The following CCDC187 variants were observed in gnomAD, a reference collection of about 807,000 sequenced individuals.
CCDC187 encodes coiled-coil domain-containing protein 187.
CCDC187 carries 32 observed loss-of-function variants against 38.0 expected under a neutral mutation model. The observed-to-expected ratio is 0.84, with a 90% CI of 0.64 to 1.13. The LOEUF is 1.13. CCDC187 is among the 50% of genes most tolerant of loss of function. The pLI, the probability that CCDC187 is intolerant of heterozygous loss-of-function variation, is 0.00. For missense variants in CCDC187, 707 were observed against 786.8 expected (o/e 0.90, Z 1.21); for synonymous variants, 333 against 347.9 (o/e 0.96, Z 0.48).
Position 136,255,002 on chromosome 9 carries a change from G to C in CCDC187, c.4826C>G (p.Ala1609Gly). Residue 1609 changes from alanine (A) to glycine (G), a missense_variant, in exon 26 of 26, where the codon GCC becomes GGC. Physicochemically the swap from Ala to Gly is moderately conservative, Grantham distance 60 (BLOSUM62 0). Transcript: ENST00000638797. ...TGGGGAGGTGTGGGATGACACCGTG[G>C]CTTCTTCCGAAGGCCCCCAGCAGGT... Reference protein sequence around the residue: ...SGTCWGPSEEATVSSHTSPAG... With the variant: ...SGTCWGPSEEGTVSSHTSPAG... 3 of 985,490 alleles carry C rather than the reference G, an allele frequency of 3.0e-6. No homozygotes were observed. Among genetic ancestry groups the C allele is most frequent in the Non-Finnish European group, 3.6e-6 (3 of 829,980 alleles). The allele number at this position is 985,490 out of a possible 1,614,324, so 61.0% of individuals were successfully genotyped here.
At chr9:136,285,452 C>CTT in intron 9 of CCDC187, 61 bp downstream of exon 9, 1 of 35,654 alleles carries the variant, frequency 2.8e-5, no homozygotes, top group Non-Finnish European at 6.0e-5. Flanking sequence ...GGCAGGTGGG[C>CTT]AGGTGGGCAG....
intron 4 of CCDC187, among the ~76,000 whole-genome samples, chr9:136,293,596 C>G (rs1459030766): frequency 1.3e-5 from 2 of 151,516 alleles, no homozygotes; most frequent in African/African-American, 2.4e-5. Context: ...TCACGTGCTC[C>G]CAGGCTCACA....
rs1445727597 is a variant in CCDC187 at position 136,253,949 on chromosome 9, G to T, written c.5879C>A (p.Ala1960Glu). The T allele has an allele frequency of 2.0e-6, 2 of 985,444 alleles. No individual in the cohort carries two copies. The highest frequency in any genetic ancestry group is 4.7e-5 in the South Asian group (1 of 21,284). 61.0% of individuals were successfully genotyped at this position (985,444 alleles called of 1,614,324 possible). A position where few individuals can be genotyped will look rare whatever the true frequency, so the allele number is the denominator to read the frequency against. ...GGCCCCATTCCCACCAGGCCCAGGCGCCCGGCTCTCAGCTACTGGAGGTGC... is the reference window on the plus strand; with the variant it reads ...GGCCCCATTCCCACCAGGCCCAGGCTCCCGGCTCTCAGCTACTGGAGGTGC... ...RLAPPVAESR[A>E]PGPGGNGAPT... The change falls in exon 26 of 26, where the codon GCG becomes GAG. Residue 1960 changes from alanine to glutamate, a missense_variant. Coordinates refer to ENST00000638797, the MANE Select transcript of CCDC187 (RefSeq NM_001378188.1).
chr9:136,291,460 C>T lies in CCDC187; in HGVS notation c.1153G>A (p.Gly385Arg). ...LQDLRQQIQA[G>R]LELAQARKGG... The stretch of plus-strand genomic sequence containing the variant: ...TTGCGGGCCTGGGCCAGCTCCAGCC[C>T]AGCCTGGATTTGCTGGCGCAGGTCT... Residue 385 changes from glycine to arginine, a missense_variant, in exon 6 of 26, where the codon GGG becomes AGG. Gly to Arg is a moderately radical substitution (Grantham distance 125, BLOSUM62 -2). Transcript: ENST00000638797. 2.5e-6 allele frequency: 1 copy of T among 398,752 alleles called. No homozygotes were observed. 24.7% of individuals were successfully genotyped at this position (398,752 alleles called of 1,614,324 possible).
In CCDC187 at chr9:136,281,483, G is replaced by T. The variant is rs995107328; in HGVS notation, c.3040+68C>A. 1.2e-4 allele frequency: 46 copies of T among 398,670 alleles called. No individual in the cohort carries two copies. In the South Asian group the frequency reaches 5.5e-3, roughly 47 times the overall value. 24.7% of individuals were successfully genotyped at this position (398,670 alleles called of 1,614,324 possible). A position where few individuals can be genotyped will look rare whatever the true frequency, so the allele number is the denominator to read the frequency against. On this transcript the variant is annotated intron_variant, in intron 10 of 25. Coordinates refer to ENST00000638797, the MANE Select transcript of CCDC187 (RefSeq NM_001378188.1). ...AAGCTCGAGTGCTAGGCAGTGGAAG[G>T]TGTTCTCGGTGGATGCCCCGGCCAC...
intron 3 of CCDC187, among the ~76,000 whole-genome samples, 165 bp downstream of exon 3, chr9:136,300,055 G>C (rs1831638009): frequency 6.6e-6 from 1 of 152,258 alleles, no homozygotes; most frequent in African/African-American, 2.4e-5. Context: ...ACAGGCTCCA[G>C]AGAATGGCAG....
intron 10 of CCDC187, among the ~76,000 whole-genome samples, chr9:136,278,294 GC>G (rs1830972386): frequency 1.3e-5 from 2 of 152,206 alleles, no homozygotes; most frequent in African/African-American, 4.8e-5. Context: ...AGATCTCCCA[GC>G]TGTGGCCTGA....
chr9:136,288,558 T>G (rs1831235918), intron 7 of CCDC187, among the ~76,000 whole-genome samples: 1 of 152,096 alleles, frequency 6.6e-6, no homozygotes, highest in East Asian at 1.9e-4. Flanking sequence ...GTGCCTAGCG[T>G]GAGGCCAGGC....
In CCDC187 at chr9:136,253,526, G is replaced by T; in HGVS notation, c.*68C>A. The stretch of plus-strand genomic sequence containing the variant: ...GCCTCCGGCCTCATCCCCTGCTGCA[G>T]AACTGCATCTACCCAACTGGTCGTC... On this transcript the variant is annotated 3_prime_UTR_variant, in exon 26 of 26. Transcript: ENST00000638797. 1 of 884,782 alleles carries T rather than the reference G, an allele frequency of 1.1e-6. No homozygotes were observed. The highest frequency in any genetic ancestry group is 1.4e-6 in the Non-Finnish European group (1 of 738,012). The allele number at this position is 884,782 out of a possible 1,614,324, so 54.8% of individuals were successfully genotyped here. A position where few individuals can be genotyped will look rare whatever the true frequency, so the allele number is the denominator to read the frequency against.
rs1272358553 is a variant in CCDC187 at position 136,281,682 on chromosome 9, C to T, written c.2928-19G>A. The T allele has an allele frequency of 1.5e-5, 6 of 398,532 alleles. No homozygotes were observed. Among genetic ancestry groups the T allele is most frequent in the East Asian group, 3.6e-5 (1 of 28,076 alleles). 24.7% of individuals were successfully genotyped at this position (398,532 alleles called of 1,614,324 possible). ...ATATGAGCTGGAAGACACAGGCACA[C>T]GTGTGGCAGGGCCAGGCCCGTGGAG... On this transcript the variant is annotated intron_variant, in intron 9 of 25. Coordinates refer to ENST00000638797, the MANE Select transcript of CCDC187 (RefSeq NM_001378188.1).
At chr9:136,275,567 G>T (rs1037362644) in intron 12 of CCDC187, among the ~76,000 whole-genome samples, 4 of 151,990 alleles carry the variant, frequency 2.6e-5, no homozygotes, top group Non-Finnish European at 5.9e-5. Context: ...TCCCACCATC[G>T]ACCCCTGAAC....
rs1351596942 is a variant in CCDC187 at position 136,283,882 on chromosome 9, C to T, written c.2927+1631G>A. Among the ~76,000 whole-genome samples, 31 of 152,308 alleles carry T rather than the reference C, an allele frequency of 2.0e-4. No individual in the cohort carries two copies. The South Asian group carries it at 2.1e-3, about 10-fold the overall frequency. On this transcript the variant is annotated intron_variant, in intron 9 of 25. Transcript: ENST00000638797. ...TCCTGGGCATTGCAGGCGACAGAGG[C>T]GAGGTCTGGCCCGATGCTGCCCTCT...
rs1185883946 is a variant in CCDC187, at chr9:136,256,299, C to G, written c.4528G>C (p.Glu1510Gln). The G allele has an allele frequency of 1.0e-6, 1 of 985,448 alleles. No individual in the cohort carries two copies. The highest frequency in any genetic ancestry group is 1.7e-5 in the African/African-American group (1 of 57,248). The allele number at this position is 985,448 out of a possible 1,614,324, so 61.0% of individuals were successfully genotyped here. The stretch of plus-strand genomic sequence containing the variant: ...TCCAGCCCCGATTCCAAGCCCTCTT[C>G]GCTCATGCTGTCCTCAGCCACCTGC... ...ASQVAEDSMS[E>Q]EGLESGLDFA... Residue 1510 changes from glutamate (E) to glutamine (Q), a missense_variant, in exon 24 of 26, where the codon GAA becomes CAA. Physicochemically the swap from Glu to Gln is conservative, Grantham distance 29. Coordinates refer to ENST00000638797, the MANE Select transcript of CCDC187 (RefSeq NM_001378188.1).
chr9:136,265,080 C>T (rs958761543), intron 17 of CCDC187, among the ~76,000 whole-genome samples: 6 of 152,180 alleles, frequency 3.9e-5, no homozygotes, highest in East Asian at 1.9e-4. Flanking sequence ...AGGGTGTTAG[C>T]GCCAGCCTCT....
In CCDC187 at chr9:136,254,333, T is replaced by C; in HGVS notation, c.5495A>G (p.Gln1832Arg). 2 of 978,288 alleles carry C rather than the reference T, an allele frequency of 2.0e-6. No homozygotes were observed. The highest frequency in any genetic ancestry group is 9.5e-5 in the South Asian group (2 of 21,100). The allele number at this position is 978,288 out of a possible 1,614,324, so 60.6% of individuals were successfully genotyped here. Residue 1832 changes from glutamine (Q) to arginine (R), a missense_variant, in exon 26 of 26, where the codon CAG (glutamine) becomes CGG (arginine). Coordinates refer to ENST00000638797, the MANE Select transcript of CCDC187 (RefSeq NM_001378188.1). Reference protein sequence around the residue: ...KGGVRSGMEPQVALPSPWPGE... With the variant: ...KGGVRSGMEPRVALPSPWPGE... ...AGGCCATGGGGACGGAAGAGCCACC[T>C]GGGGCTCCATGCCGCTTCTGACACC...
rs1830626663 is a variant in CCDC187, at chr9:136,257,396, T to C, written c.4367-555A>G. Among the ~76,000 whole-genome samples the C allele has an allele frequency of 6.6e-6, 1 of 150,940 alleles. No individual in the cohort carries two copies. The stretch of plus-strand genomic sequence containing the variant: ...AAAATTATAATAATAATAATAATAA[T>C]AATAATAATAATTTAGAGGCCTCTT... On this transcript the variant is annotated intron_variant, in intron 22 of 25. Transcript: ENST00000638797. This position sits in a 1 kb window ranked among gnomAD's most constrained non-coding sequence, Gnocchi z 4.5.
chr9:136,277,999 A>G (rs1830966229), intron 10 of CCDC187, among the ~76,000 whole-genome samples: 1 of 152,084 alleles, frequency 6.6e-6, no homozygotes, highest in Non-Finnish European at 1.5e-5. Flanking sequence ...GCACCGAGAC[A>G]GGGTGAGCAG....
At chr9:136,295,212 C>G (rs1255997816) in intron 4 of CCDC187, among the ~76,000 whole-genome samples, 1 of 152,206 alleles carries the variant, frequency 6.6e-6, no homozygotes, top group African/African-American at 2.4e-5. Flanking sequence ...GTTTCTCCAT[C>G]CTAGTCCCTA....
intron 12 of CCDC187, among the ~76,000 whole-genome samples, chr9:136,275,826 A>G (rs1234978100): frequency 6.6e-6 from 1 of 152,048 alleles, no homozygotes; most frequent in Non-Finnish European, 1.5e-5. Flanking sequence ...CTGGCAAGAG[A>G]CCTGCCGGGG....
Sources: gnomAD v4.1 joint callset for allele counts (sites outside exome capture counted in the v4.1 genomes callset) on GRCh38, gnomAD v4.1.1 for gene constraint, Gnocchi (gnomAD v3.1) non-coding constraint, MANE v1.5 for transcripts, NCBI Gene and HGNC (gene_info 2026-07-23, HGNC 2026-07-21) for gene names.